Variants in MEIOSIN observed in about 807,000 individuals in gnomAD.
MEIOSIN encodes meiosis initiator protein.
A neutral mutation model predicts 23.4 loss-of-function variants in MEIOSIN; 18 were observed. That is an observed-to-expected ratio of 0.77 (90% CI 0.53 to 1.14). MEIOSIN has a LOEUF of 1.14. MEIOSIN is among the 50% of genes most tolerant of loss of function. MEIOSIN has a pLI of 0.00. For synonymous variants in MEIOSIN, 187 were observed against 100.6 expected, an observed-to-expected ratio of 1.86 and a Z score of -5.14; for missense variants, 428 against 242.9, an observed-to-expected ratio of 1.76 and a Z score of -5.07.
intron 2 of MEIOSIN, among the ~76,000 whole-genome samples, chr19:45,736,412 G>A (rs1254333179): frequency 6.6e-6 from 1 of 151,872 alleles, no homozygotes; most frequent in Non-Finnish European, 1.5e-5. Flanking sequence ...CCAGGCTGTA[G>A]AGTGCAGTGG....
chr19:45,744,995 T>C (rs1323213465), intron 3 of MEIOSIN, among the ~76,000 whole-genome samples, 197 bp from the exon 4 acceptor site: 2 of 150,438 alleles, frequency 1.3e-5, no homozygotes, highest in East Asian at 3.9e-4. Context: ...GGAAGAGGAG[T>C]GGGTAAGATT....
At chr19:45,758,159 A>C (rs144203594) in intron 9 of MEIOSIN, among the ~76,000 whole-genome samples, 1,551 of 151,660 alleles carry the variant, frequency 0.01, 12 homozygotes, top group Non-Finnish European at 0.014. Context: ...ACGCCTAGCA[A>C]ATTTTTATAT....
chr19:45,751,832 G>C (rs1276555834), intron 5 of MEIOSIN, among the ~76,000 whole-genome samples: 1 of 151,328 alleles, frequency 6.6e-6, no homozygotes, highest in Non-Finnish European at 1.5e-5. Flanking sequence ...CCAAGTTCAA[G>C]TGATTCTCCT....
At chr19:45,754,433 A>C (rs918293320) in intron 6 of MEIOSIN, 46 bp from the exon 7 acceptor site, 5 of 677,142 alleles carry the variant, frequency 7.4e-6, no homozygotes, top group Non-Finnish European at 1.3e-5. Flanking sequence ...GGTGACAGGC[A>C]GGTGACTCCC....
chr19:45,737,614 C>T (rs529771741), intron 2 of MEIOSIN, among the ~76,000 whole-genome samples: 22 of 151,254 alleles, frequency 1.5e-4, no homozygotes, highest in South Asian at 4.2e-4. Context: ...CACAGGCACA[C>T]GCCACTATGC....
At position 45,754,693 on chromosome 19, in the gene MEIOSIN, G is replaced by C; in HGVS notation, c.771G>C (p.Leu257=). The C allele has an allele frequency of 1.4e-6, 1 of 703,072 alleles. No homozygotes were observed. The highest frequency in any genetic ancestry group is 2.6e-6 in the Non-Finnish European group (1 of 385,030). 43.6% of individuals were successfully genotyped at this position (703,072 alleles called of 1,614,324 possible). Residue 257 remains leucine (L), a synonymous_variant, in exon 7 of 15, where the codon CTG becomes CTC. Transcript: ENST00000457052. ...GGQSQLTLLD[L]AEDTIHCDIS... is the part of the protein sequence containing the mutation. ...AGTCCCAGCTGACGCTGTTGGATCT[G>C]GCCGAGGACACCATCCACTGTGACA...
intron 7 of MEIOSIN, 112 bp downstream of exon 7, chr19:45,754,836 A>T (rs1327978789): frequency 3.1e-6 from 2 of 638,242 alleles, no homozygotes; most frequent in African/African-American, 3.6e-5. Context: ...AGTGAATAGG[A>T]AACACCGCCT....
At chr19:45,736,282 A>C (rs1327309378) in intron 2 of MEIOSIN, among the ~76,000 whole-genome samples, 1 of 152,128 alleles carries the variant, frequency 6.6e-6, no homozygotes, top group Non-Finnish European at 1.5e-5. Flanking sequence ...TCTGGCCTCA[A>C]GTGATCCTCC....
chr19:45,737,134 G>T (rs1035946734), intron 2 of MEIOSIN, among the ~76,000 whole-genome samples: 1 of 151,248 alleles, frequency 6.6e-6, no homozygotes, highest in Non-Finnish European at 1.5e-5. Context: ...CTCCCAAAGT[G>T]CTAGGATTAC....
At chr19:45,747,147 G>A (rs1177496281) in intron 4 of MEIOSIN, among the ~76,000 whole-genome samples, 3 of 152,142 alleles carry the variant, frequency 2.0e-5, no homozygotes, top group Non-Finnish European at 4.4e-5. Flanking sequence ...ATTCTCCCCA[G>A]GCCTCAGCCT....
intron 5 of MEIOSIN, 76 bp from the exon 6 acceptor site, chr19:45,753,575 T>C (rs910945129): frequency 1.7e-5 from 11 of 637,558 alleles, no homozygotes; most frequent in African/African-American, 1.6e-4. Context: ...TGAGGAGCAT[T>C]GTCTGGAAGG....
At chr19:45,753,907 C>T in intron 6 of MEIOSIN, 119 bp downstream of exon 6, 1 of 603,554 alleles carries the variant, frequency 1.7e-6, no homozygotes. Flanking sequence ...GGTTCAACTC[C>T]CAGCTCCTCC....
chr19:45,744,191 T>A (rs573565271), intron 3 of MEIOSIN, among the ~76,000 whole-genome samples: 1 of 151,964 alleles, frequency 6.6e-6, no homozygotes, highest in East Asian at 1.9e-4. Flanking sequence ...AGCTAATTTT[T>A]GTATTTTTAG....
intron 4 of MEIOSIN, among the ~76,000 whole-genome samples, chr19:45,748,007 CTGGG>C (rs1309968032): frequency 5.9e-4 from 90 of 152,186 alleles, no homozygotes; most frequent in Non-Finnish European, 1.5e-5. Flanking sequence ...TAGCTTGAGC[CTGGG>C]AAGTGGAGGT....
Position 45,739,608 on chromosome 19 carries a change from T to C in MEIOSIN, c.72-18T>C. ...ACCACTCCAACCCTGAACCAATCAC[T>C]GTGACTATTCTTGGCAGGACCTTGG... On this transcript the variant is annotated intron_variant, in intron 2 of 14. Coordinates refer to ENST00000457052, the MANE Select transcript of MEIOSIN (RefSeq NM_001310124.2). 1.4e-6 allele frequency: 1 copy of C among 702,926 alleles called. No individual in the cohort carries two copies. 43.5% of individuals were successfully genotyped at this position (702,926 alleles called of 1,614,324 possible).
chr19:45,736,426 G>A (rs1026257317), intron 2 of MEIOSIN, among the ~76,000 whole-genome samples: 6 of 151,626 alleles, frequency 4.0e-5, no homozygotes, highest in South Asian at 2.1e-4. Context: ...GCAGTGGCGC[G>A]ATCTTGGTTC....
chr19:45,747,954 GC>G (rs1379080674), intron 4 of MEIOSIN, among the ~76,000 whole-genome samples: 1 of 139,986 alleles, frequency 7.1e-6, no homozygotes, highest in African/African-American at 2.4e-5. Flanking sequence ...ACAAAAATTA[GC>G]CAGCCATGGT....
chr19:45,733,976 G>T lies in MEIOSIN; in HGVS notation c.-1+310G>T, dbSNP rs1968367346. The stretch of plus-strand genomic sequence containing the variant: ...GGAATCTGAAGAGCTTGAGTTTTGT[G>T]ACTGGAAGCTTTCTCCTTGGAATCC... On this transcript the variant is annotated intron_variant, in intron 1 of 14. Coordinates refer to ENST00000457052, the MANE Select transcript of MEIOSIN (RefSeq NM_001310124.2). This position sits in a 1 kb window ranked among gnomAD's most constrained non-coding sequence, Gnocchi z 5.7. Among the ~76,000 whole-genome samples, 1 of 152,164 alleles carries T rather than the reference G, an allele frequency of 6.6e-6. No homozygotes were observed.
intron 13 of MEIOSIN, among the ~76,000 whole-genome samples, 179 bp from the exon 14 acceptor site, chr19:45,763,159 C>A (rs765543637): frequency 6.6e-6 from 1 of 152,212 alleles, no homozygotes; most frequent in African/African-American, 2.4e-5. Context: ...GTCCCCTGCA[C>A]TCTCCTGGGA....
Sources: allele counts gnomAD v4.1 joint callset (sites outside exome capture counted in the v4.1 genomes callset), GRCh38; gene constraint gnomAD v4.1.1; non-coding constraint Gnocchi (gnomAD v3.1); transcripts MANE v1.5; gene names NCBI Gene and HGNC (gene_info 2026-07-23, HGNC 2026-07-21).